CCDC91: variants seen among roughly 807,000 people sequenced by gnomAD.
CCDC91 encodes coiled-coil domain-containing protein 91.
Under a neutral mutation model 63.2 loss-of-function variants are expected in CCDC91, and 48 were observed. The observed-to-expected ratio is 0.76, with a 90% CI of 0.60 to 0.97. CCDC91 has a LOEUF of 0.97. CCDC91 is among the 50% of genes least tolerant of loss of function. CCDC91 has a pLI of 0.00. For missense variants in CCDC91, 500 were observed against 494.6 expected (o/e 1.01, Z -0.10); for synonymous variants, 167 against 165.8 (o/e 1.01, Z -0.06).
At chr12:28,257,127 C>A in intron 1 of CCDC91, 75 bp from the exon 2 acceptor site, 1 of 847,034 alleles carries the variant, frequency 1.2e-6, no homozygotes, top group Non-Finnish European at 2.0e-6. Flanking sequence ...AATATGTATA[C>A]ATTTAAGTTG....
chr12:28,350,952 T>C (rs1372895480), intron 6 of CCDC91, among the ~76,000 whole-genome samples: 1 of 152,164 alleles, frequency 6.6e-6, no homozygotes, highest in African/African-American at 2.4e-5. Context: ...CAAATAAGAT[T>C]GCATTCATAG....
At chr12:28,404,155 A>G (rs1946792207) in intron 8 of CCDC91, among the ~76,000 whole-genome samples, 1 of 152,052 alleles carries the variant, frequency 6.6e-6, no homozygotes. Context: ...TGAATTCAAT[A>G]TTTTAAATTT....
chr12:28,499,449 T>G (rs979777569), intron 12 of CCDC91, among the ~76,000 whole-genome samples: 1 of 151,812 alleles, frequency 6.6e-6, no homozygotes, highest in African/African-American at 2.4e-5. Context: ...AGTGGTTTGC[T>G]GCACCCATCA....
At chr12:28,354,948 G>A (rs1943425595) in intron 6 of CCDC91, among the ~76,000 whole-genome samples, 2 of 152,104 alleles carry the variant, frequency 1.3e-5, no homozygotes, top group South Asian at 4.1e-4. Flanking sequence ...CATACAAGTA[G>A]GCAAAGCTGG....
At chr12:28,400,986 G>A (rs1432763411) in intron 8 of CCDC91, among the ~76,000 whole-genome samples, 1 of 152,092 alleles carries the variant, frequency 6.6e-6, no homozygotes, top group Non-Finnish European at 1.5e-5. Context: ...AAGCCTTTAG[G>A]AAGTTCCAAA....
chr12:28,414,327 C>T (rs937046018), intron 8 of CCDC91, among the ~76,000 whole-genome samples: 1 of 151,746 alleles, frequency 6.6e-6, no homozygotes, highest in Non-Finnish European at 1.5e-5. Context: ...GGATGCCAAG[C>T]AAGTAAAAAA....
At chr12:28,291,733 G>C (rs1386631212) in intron 3 of CCDC91, among the ~76,000 whole-genome samples, 1 of 152,158 alleles carries the variant, frequency 6.6e-6, no homozygotes, top group Non-Finnish European at 1.5e-5. Flanking sequence ...ACTTCAAAAT[G>C]ATGATTTTTT....
At chr12:28,502,212 C>T (rs928808157) in intron 12 of CCDC91, among the ~76,000 whole-genome samples, 26 of 151,906 alleles carry the variant, frequency 1.7e-4, no homozygotes, top group Admixed American at 4.6e-4. Context: ...TCTCCTTAAG[C>T]TGATAAGCAA....
chr12:28,365,630 A>G (rs1944223186), intron 7 of CCDC91, among the ~76,000 whole-genome samples: 1 of 152,212 alleles, frequency 6.6e-6, no homozygotes, highest in Non-Finnish European at 1.5e-5. Flanking sequence ...ATTATTCATT[A>G]TCTTCTTTAT....
At chr12:28,385,239 T>G (rs1246545361) in intron 7 of CCDC91, among the ~76,000 whole-genome samples, 1 of 152,132 alleles carries the variant, frequency 6.6e-6, no homozygotes, top group Non-Finnish European at 1.5e-5. Flanking sequence ...TATGATTATT[T>G]TGTATATACT....
At chr12:28,279,899 T>TCATACACTTTTGTTCATC (rs1261270893) in intron 3 of CCDC91, among the ~76,000 whole-genome samples, 3 of 144,816 alleles carry the variant, frequency 2.1e-5, no homozygotes, top group Non-Finnish European at 4.8e-5. Flanking sequence ...GATGCAGTGT[T>TCATACACTTTTGTTCATC]CATACACTTT....
intron 3 of CCDC91, among the ~76,000 whole-genome samples, chr12:28,276,467 G>A (rs1469535148): frequency 1.3e-5 from 2 of 151,914 alleles, no homozygotes; most frequent in Admixed American, 6.6e-5. Flanking sequence ...TAATGGGAAG[G>A]ATATAAATTA....
intron 12 of CCDC91, among the ~76,000 whole-genome samples, chr12:28,543,239 A>C (rs1942755372): frequency 6.6e-6 from 1 of 152,070 alleles, no homozygotes. Flanking sequence ...TTTCCAAATA[A>C]GCTCACATTC....
chr12:28,403,610 A>G (rs886345153), intron 8 of CCDC91, among the ~76,000 whole-genome samples: 1 of 152,066 alleles, frequency 6.6e-6, no homozygotes, highest in African/African-American at 2.4e-5. Context: ...CCCCCTCCTA[A>G]TACCATGAAC....
chr12:28,480,058 C>A (rs1266191887), intron 11 of CCDC91, among the ~76,000 whole-genome samples: 1 of 151,962 alleles, frequency 6.6e-6, no homozygotes, highest in Non-Finnish European at 1.5e-5. Context: ...CTGGTCCCAG[C>A]CTTTCTTTCT....
intron 8 of CCDC91, among the ~76,000 whole-genome samples, chr12:28,407,256 A>G (rs1422056282): frequency 1.3e-5 from 2 of 152,036 alleles, no homozygotes; most frequent in African/African-American, 4.8e-5. Flanking sequence ...TTTCTTATAC[A>G]TTATCTAGTC....
intron 3 of CCDC91, among the ~76,000 whole-genome samples, chr12:28,285,470 T>A (rs1318720689): frequency 2.0e-5 from 3 of 152,002 alleles, no homozygotes; most frequent in African/African-American, 7.2e-5. Context: ...ATTCTCTCCC[T>A]ACATGCAGAA....
At chr12:28,513,525 T>C (rs1238433658) in intron 12 of CCDC91, among the ~76,000 whole-genome samples, 1 of 151,870 alleles carries the variant, frequency 6.6e-6, no homozygotes, top group Non-Finnish European at 1.5e-5. Flanking sequence ...CTGGTAGTTA[T>C]AATGCAAATA....
intron 8 of CCDC91, among the ~76,000 whole-genome samples, chr12:28,397,797 T>C (rs1946379432): frequency 6.6e-6 from 1 of 152,130 alleles, no homozygotes. Flanking sequence ...ATGCTACCAA[T>C]ACACATAAGA....
Sources: allele counts gnomAD v4.1 joint callset (sites outside exome capture counted in the v4.1 genomes callset), GRCh38; gene constraint gnomAD v4.1.1; transcripts MANE v1.5; gene names NCBI Gene and HGNC (gene_info 2026-07-23, HGNC 2026-07-21).